Variants in MIB1 observed in about 807,000 individuals in gnomAD.
MIB1 encodes MIB E3 ubiquitin protein ligase 1.
A neutral mutation model predicts 124.5 loss-of-function variants in MIB1; 278 were observed. The ratio of observed to expected loss-of-function variants is 2.23; its 90% CI spans 2.02 to 2.47. The LOEUF (loss-of-function observed/expected upper bound fraction) is 2.47, where lower values mean the gene tolerates loss of function less well. Among genes scored for constraint, MIB1 ranks in the 30% most tolerant of loss-of-function variants. The probability of loss-of-function intolerance (pLI) is 0.00; values close to 1 mark genes in which losing one functional copy is unlikely to be tolerated. For missense variants in MIB1, 957 were observed against 1,254.4 expected, an observed-to-expected ratio of 0.76 and a Z score of 3.58; for synonymous variants, 446 against 429.4, an observed-to-expected ratio of 1.04 and a Z score of -0.48.
chr18:21,718,330 T>C (rs1262976251), intron 1 of MIB1, among the ~76,000 whole-genome samples: 1 of 152,104 alleles, frequency 6.6e-6, no homozygotes, highest in East Asian at 1.9e-4. Context: ...ATTTCACAAA[T>C]CACCCCTAAA....
chr18:21,857,091 TTC>T, intron 18 of MIB1, 37 bp from the exon 19 acceptor site: 1 of 1,355,180 alleles, frequency 7.4e-7, no homozygotes. Context: ...CCTATTAATG[TTC>T]TCTCTTGTAA....
At chr18:21,781,054 T>G (rs1178353790) in intron 6 of MIB1, among the ~76,000 whole-genome samples, 1 of 152,028 alleles carries the variant, frequency 6.6e-6, no homozygotes, top group African/African-American at 2.4e-5. Context: ...AGCCATTTTC[T>G]TTTTTTCTCT....
intron 7 of MIB1, among the ~76,000 whole-genome samples, chr18:21,794,647 C>T (rs1467872803): frequency 1.3e-5 from 2 of 151,990 alleles, no homozygotes; most frequent in East Asian, 1.9e-4. Context: ...AAACACTGGG[C>T]TATATTCTGG....
chr18:21,771,636 T>C (rs2041224746), intron 3 of MIB1, among the ~76,000 whole-genome samples: 1 of 152,118 alleles, frequency 6.6e-6, no homozygotes, highest in African/African-American at 2.4e-5. Context: ...GAGGATGGGA[T>C]TGATGAGATG....
At chr18:21,857,315 C>T (rs556031770) in intron 19 of MIB1, 72 bp downstream of exon 19, 76 of 870,782 alleles carry the variant, frequency 8.7e-5, no homozygotes, top group African/African-American at 2.8e-4. Context: ...TCTTCTCTTT[C>T]GTAATACACT....
chr18:21,844,356 C>A, intron 15 of MIB1, 103 bp downstream of exon 15: 1 of 1,213,542 alleles, frequency 8.2e-7, no homozygotes, highest in Non-Finnish European at 1.2e-6. Flanking sequence ...AATATTTTAT[C>A]AGAGCTATGT....
intron 3 of MIB1, among the ~76,000 whole-genome samples, chr18:21,770,709 A>G (rs2041215243): frequency 6.6e-6 from 1 of 152,114 alleles, no homozygotes; most frequent in South Asian, 2.1e-4. Flanking sequence ...ACTAGATCAT[A>G]TTTGTTTTTT....
chr18:21,727,719 A>C (rs539449777), intron 1 of MIB1, among the ~76,000 whole-genome samples: 3 of 152,302 alleles, frequency 2.0e-5, no homozygotes, highest in South Asian at 4.1e-4. Context: ...TGTGAGCTGC[A>C]CTGCAGCCTG....
Position 21,835,828 on chromosome 18 carries a change from C to A in MIB1, c.1830-2537C>A, listed in dbSNP as rs915405028. 5.5e-3 allele frequency among the ~76,000 whole-genome samples: 413 copies of A among 75,592 alleles called. 7 individuals carry two copies. The highest frequency in any genetic ancestry group is 0.017 in the African/African-American group (383 of 22,704). The allele number at this position is 75,592 out of a possible 152,430, so 49.6% of individuals were successfully genotyped here. ...ACACACACACACACACACACACACA[C>A]ACACACACACAAACACACACGAGGA... On this transcript the variant is annotated intron_variant, in intron 12 of 20. Coordinates refer to ENST00000261537, the MANE Select transcript of MIB1 (RefSeq NM_020774.4).
chr18:21,738,704 G>A (rs2040806296), upstream of MIB1, among the ~76,000 whole-genome samples: 1 of 150,924 alleles, frequency 6.6e-6, no homozygotes, highest in Non-Finnish European at 1.5e-5. Flanking sequence ...GTACTCGGGA[G>A]GCTGAGTCAG....
At chr18:21,781,090 T>C (rs1225198213) in intron 6 of MIB1, among the ~76,000 whole-genome samples, 1 of 151,912 alleles carries the variant, frequency 6.6e-6, no homozygotes, top group Non-Finnish European at 1.5e-5. Flanking sequence ...TTAAAAACTT[T>C]TTTTATAGTA....
intron 13 of MIB1, among the ~76,000 whole-genome samples, chr18:21,842,450 A>G (rs537976837): frequency 9.4e-4 from 143 of 152,166 alleles, no homozygotes; most frequent in Non-Finnish European, 1.7e-3. Context: ...AACTGTCACC[A>G]TTTTGGAGCT....
Position 21,765,943 on chromosome 18 carries a change from G to T in MIB1, c.401G>T (p.Arg134Met). The T allele has an allele frequency of 6.2e-7, 1 of 1,613,706 alleles. No homozygotes were observed. Among genetic ancestry groups the T allele is most frequent in the Non-Finnish European group, 8.5e-7 (1 of 1,179,704 alleles). The part of the protein sequence containing the change: ...FYRITTPGSE[R>M]VLLESRRKSK... ...CGAATTACTACACCGGGAAGTGAGA[G>T]GTAGGGAGAACCCTTTTCTTCTTCA... The change falls in exon 2 of 21, where the codon AGG (arginine) becomes ATG (methionine). Residue 134 changes from arginine to methionine, a missense_variant and splice_region_variant. Arg to Met is a moderately conservative substitution (Grantham distance 91, BLOSUM62 -1). Coordinates refer to ENST00000261537, the MANE Select transcript of MIB1 (RefSeq NM_020774.4).
chr18:21,750,140 A>AT (rs900629513), intron 1 of MIB1, among the ~76,000 whole-genome samples: 2 of 150,498 alleles, frequency 1.3e-5, no homozygotes, highest in African/African-American at 4.9e-5. Flanking sequence ...TTCTTTCTTT[A>AT]TTTTTTTGAG....
At chr18:21,761,154 A>G (rs1347831556) in intron 1 of MIB1, among the ~76,000 whole-genome samples, 1 of 151,888 alleles carries the variant, frequency 6.6e-6, no homozygotes, top group Non-Finnish European at 1.5e-5. Flanking sequence ...TTATTTCTAT[A>G]TTATTGCTTC....
At chr18:21,721,173 T>TG (rs2040713785) in intron 1 of MIB1, among the ~76,000 whole-genome samples, 6 of 104,162 alleles carry the variant, frequency 5.8e-5, no homozygotes, top group Non-Finnish European at 9.5e-5. Context: ...TTTTTTTTTT[T>TG]TTTTTTTTTT....
chr18:21,727,298 T>A (rs574754054), intron 1 of MIB1, among the ~76,000 whole-genome samples: 37 of 152,288 alleles, frequency 2.4e-4, no homozygotes, highest in African/African-American at 8.7e-4. Context: ...CACACCTGGC[T>A]AATTTTTGTG....
chr18:21,753,562 T>A (rs182708866), intron 1 of MIB1, among the ~76,000 whole-genome samples: 38 of 152,226 alleles, frequency 2.5e-4, no homozygotes, highest in African/African-American at 8.4e-4. Context: ...TAATAGTAAG[T>A]CAAGTCTAAG....
intron 6 of MIB1, among the ~76,000 whole-genome samples, chr18:21,790,144 T>C (rs780390139): frequency 1.2e-4 from 19 of 152,246 alleles, no homozygotes; most frequent in Non-Finnish European, 2.1e-4. Context: ...AATATTTTTA[T>C]CCATTAAATT....
Sources: allele counts gnomAD v4.1 joint callset (sites outside exome capture counted in the v4.1 genomes callset), GRCh38; gene constraint gnomAD v4.1.1; transcripts MANE v1.5; gene names NCBI Gene and HGNC (gene_info 2026-07-23, HGNC 2026-07-21).